The following ZNF182 variants were observed in gnomAD, a reference collection of about 807,000 sequenced individuals.
The protein encoded by ZNF182 is zinc finger protein 182.
Under a neutral mutation model 28.1 loss-of-function variants are expected in ZNF182, and 10 were observed. The ratio of observed to expected loss-of-function variants is 0.36; its 90% confidence interval spans 0.22 to 0.60. The LOEUF (loss-of-function observed/expected upper bound fraction) is 0.60. ZNF182 is among the 20% of genes least tolerant of loss of function. The pLI is 0.75. For synonymous variants in ZNF182, 156 were observed against 158.7 expected (o/e 0.98, Z 0.13); for missense variants, 352 against 453.2 (o/e 0.78, Z 2.03).
chrX:48,000,102 C>T (rs186509400), intron 3 of ZNF182, among the ~76,000 whole-genome samples: 121 of 110,211 alleles, frequency 1.1e-3, no homozygotes, highest in African/African-American at 3.9e-3. Flanking sequence ...CACCACTGCA[C>T]TCCAGCCTGG....
rs1327514048 is a variant in ZNF182 at position 47,975,057 on chromosome X, T to C, written c.*1110A>G. Reference sequence around the variant, plus strand: ...GAGATAACTTATGAATTCACAATTATGTACTTACCATTTTTCTCCTTTTTA... The same window carrying C: ...GAGATAACTTATGAATTCACAATTACGTACTTACCATTTTTCTCCTTTTTA... On this transcript the variant is annotated 3_prime_UTR_variant, in exon 6 of 6. Coordinates refer to ENST00000376943, the MANE Select transcript of ZNF182 (RefSeq NM_001007088.2). The C allele has an allele frequency of 9.0e-6, 1 of 111,631 alleles. No individual in the cohort carries two copies. The highest frequency in any genetic ancestry group is 1.9e-5 in the Non-Finnish European group (1 of 53,152). The allele number at this position is 111,631 out of a possible 1,213,427, so 9.2% of individuals were successfully genotyped here. A position where few individuals can be genotyped will look rare whatever the true frequency, so the allele number is the denominator to read the frequency against.
chrX:47,989,904 G>A (rs1029267673), intron 3 of ZNF182, among the ~76,000 whole-genome samples: 8 of 111,391 alleles, frequency 7.2e-5, no homozygotes, highest in African/African-American at 2.6e-4. Flanking sequence ...AATCTCTAAA[G>A]AGACTGGCCA....
chrX:47,983,451 C>T, intron 3 of ZNF182, 40 bp from the exon 4 acceptor site: 1 of 1,159,067 alleles, frequency 8.6e-7, no homozygotes, highest in Non-Finnish European at 1.2e-6. Flanking sequence ...ATGCTGACCA[C>T]TAGATGATGA....
intron 3 of ZNF182, among the ~76,000 whole-genome samples, chrX:47,995,398 C>A (rs1340242529): frequency 8.9e-6 from 1 of 111,732 alleles, no homozygotes; most frequent in African/African-American, 3.3e-5. Flanking sequence ...AATAAATCCC[C>A]AATTGATGGA....
At chrX:48,003,470 G>T (rs1219377341) in intron 2 of ZNF182, 38 bp downstream of exon 2, 1 of 112,320 alleles carries the variant, frequency 8.9e-6, no homozygotes, top group Non-Finnish European at 1.9e-5. Context: ...CCGGGGTCAG[G>T]TGAGACCTCG....
At chrX:47,979,081 TTTC>T (rs1349834375) in intron 5 of ZNF182, among the ~76,000 whole-genome samples, 3 of 112,242 alleles carry the variant, frequency 2.7e-5, no homozygotes, top group Admixed American at 9.4e-5. Context: ...ATAGTTTACT[TTTC>T]TTCTTACTTT....
intron 3 of ZNF182, among the ~76,000 whole-genome samples, chrX:47,986,123 T>C (rs1475298533): frequency 8.9e-6 from 1 of 112,180 alleles, no homozygotes; most frequent in East Asian, 2.8e-4. Flanking sequence ...CCCAGACTCT[T>C]CAGGAATGAA....
chrX:47,982,901 T>C lies in ZNF182; in HGVS notation c.232+48A>G, dbSNP rs375440855. 10 of 1,134,540 alleles carry C rather than the reference T, an allele frequency of 8.8e-6. No individual in the cohort carries two copies. In the East Asian group the frequency reaches 9.0e-5, roughly 10 times the overall value. The allele number at this position is 1,134,540 out of a possible 1,213,427, so 93.5% of individuals were successfully genotyped here. On this transcript the variant is annotated intron_variant, in intron 5 of 5. Coordinates refer to ENST00000376943, the MANE Select transcript of ZNF182 (RefSeq NM_001007088.2). The stretch of plus-strand genomic sequence containing the variant: ...GTCAGAGGGCCTCACCTCTGACTAA[T>C]AGGGTGGAACTTCATGTCCCCAGAG...
chrX:47,988,970 A>G (rs921995441), intron 3 of ZNF182, among the ~76,000 whole-genome samples: 2 of 112,497 alleles, frequency 1.8e-5, no homozygotes, highest in African/African-American at 6.5e-5. Context: ...TCAATGGATA[A>G]TAATACTAAT....
chrX:47,981,250 GC>G (rs1311699611), intron 5 of ZNF182, among the ~76,000 whole-genome samples: 1 of 111,680 alleles, frequency 9.0e-6, no homozygotes, highest in African/African-American at 3.3e-5. Flanking sequence ...TAGGTCAGAG[GC>G]AGGAAATATA....
chrX:47,983,509 T>C (rs1556899410), intron 3 of ZNF182, 98 bp from the exon 4 acceptor site: 1 of 944,361 alleles, frequency 1.1e-6, no homozygotes, highest in Admixed American at 3.2e-5. Flanking sequence ...TTCATCATGA[T>C]GACTCAATAT....
intron 3 of ZNF182, among the ~76,000 whole-genome samples, chrX:47,992,660 G>A (rs782122315): frequency 1.5e-4 from 17 of 111,454 alleles, no homozygotes; most frequent in African/African-American, 4.9e-4. Flanking sequence ...TCTGTGTCCC[G>A]TTGGCCCTGT....
chrX:47,983,216 G>A lies in ZNF182; in HGVS notation c.142+69C>T, dbSNP rs2058912267. On this transcript the variant is annotated intron_variant, in intron 4 of 5. Coordinates refer to ENST00000376943, the MANE Select transcript of ZNF182 (RefSeq NM_001007088.2). ...TTCAGGAGAGAAAAGAGGGAACTGAGAAAGGAAATGCCTTCCATTGGATGC... is the reference window on the plus strand; with the variant it reads ...TTCAGGAGAGAAAAGAGGGAACTGAAAAAGGAAATGCCTTCCATTGGATGC... 2.5e-6 allele frequency: 3 copies of A among 1,189,255 alleles called. No individual in the cohort carries two copies. The South Asian group carries it at 5.4e-5, about 21-fold the overall frequency.
chrX:47,976,993 T>C lies in ZNF182; in HGVS notation c.1037A>G (p.His346Arg). 8.3e-7 allele frequency: 1 copy of C among 1,204,197 alleles called. No individual in the cohort carries two copies. The highest frequency in any genetic ancestry group is 1.1e-6 in the Non-Finnish European group (1 of 892,758). The change falls in exon 6 of 6, where the codon CAT (histidine) becomes CGT (arginine). Residue 346 changes from histidine (H) to arginine (R), a missense_variant. Coordinates refer to ENST00000376943, the MANE Select transcript of ZNF182 (RefSeq NM_001007088.2). Reference protein sequence around the residue: ...FIQKLDLIIHHSTHTGKKPHE... With the variant: ...FIQKLDLIIHRSTHTGKKPHE... The stretch of plus-strand genomic sequence containing the variant: ...GGGTTTCTTTCCTGTATGGGTACTA[T>C]GATGTATAATTAGATCAAGCTTCTG...
chrX:47,980,381 T>C (rs1556898962), intron 5 of ZNF182, among the ~76,000 whole-genome samples: 2 of 111,461 alleles, frequency 1.8e-5, no homozygotes, highest in Admixed American at 9.6e-5. Flanking sequence ...CCGTGTTACA[T>C]TGCACAGCAG....
At chrX:47,979,158 A>C in intron 5 of ZNF182, among the ~76,000 whole-genome samples, 1 of 112,503 alleles carries the variant, frequency 8.9e-6, no homozygotes, top group Non-Finnish European at 1.9e-5. Context: ...TACAGTAACT[A>C]CTCATATTAC....
chrX:47,978,901 T>C (rs949471675), intron 5 of ZNF182, among the ~76,000 whole-genome samples: 1 of 112,649 alleles, frequency 8.9e-6, no homozygotes, highest in Non-Finnish European at 1.9e-5. Context: ...CAGCACATTA[T>C]TTCACATTTT....
rs782471752 is a variant in ZNF182 at position 47,997,543 on chromosome X, A to G, written c.15+5052T>C. Among the ~76,000 whole-genome samples, 12 of 111,135 alleles carry G rather than the reference A, an allele frequency of 1.1e-4. No homozygotes were observed. The South Asian group carries it at 4.5e-3, about 42-fold the overall frequency. On this transcript the variant is annotated intron_variant, in intron 3 of 5. Transcript: ENST00000376943. ...CACAGTGGCTCACACTTGTAATCCC[A>G]GCACTTTGGGAGGCCGAGGCGGGCA...
chrX:47,989,416 GA>G (rs1192049979), intron 3 of ZNF182, among the ~76,000 whole-genome samples: 1 of 72,663 alleles, frequency 1.4e-5, no homozygotes, highest in African/African-American at 4.6e-5. Flanking sequence ...AACAGAGTGA[GA>G]CTTCGTCTCA....
Sources: gnomAD v4.1 joint callset for allele counts (sites outside exome capture counted in the v4.1 genomes callset) on GRCh38, gnomAD v4.1.1 for gene constraint, MANE v1.5 for transcripts, NCBI Gene and HGNC (gene_info 2026-07-23, HGNC 2026-07-21) for gene names.